BNC2: variants seen among roughly 807,000 people sequenced by gnomAD.
BNC2 encodes zinc finger protein basonuclin-2.
In BNC2, 20 loss-of-function variants were observed where a neutral mutation model predicts 76.3. The ratio of observed to expected loss-of-function variants is 0.26; its 90% CI spans 0.18 to 0.38. BNC2 has a LOEUF of 0.38. BNC2 is among the 10% of genes least tolerant of loss of function. BNC2 has a pLI of 1.00. For missense variants in BNC2, 1,382 were observed against 1,399.8 expected (o/e 0.99, Z 0.20); for synonymous variants, 582 against 514.8 (o/e 1.13, Z -1.77).
At chr9:16,475,277 G>C (rs1296353575) in intron 5 of BNC2, among the ~76,000 whole-genome samples, 2 of 151,986 alleles carry the variant, frequency 1.3e-5, no homozygotes, top group Non-Finnish European at 2.9e-5. Flanking sequence ...GTGTTCACCT[G>C]TACACATTAT....
chr9:16,693,271 TG>T (rs1427462455), intron 3 of BNC2, among the ~76,000 whole-genome samples: 8 of 152,126 alleles, frequency 5.3e-5, no homozygotes, highest in African/African-American at 1.7e-4. Context: ...GCTAGCAGCC[TG>T]GCCTATAAAT....
chr9:16,780,059 A>G (rs1826085721), intron 1 of BNC2, among the ~76,000 whole-genome samples: 1 of 149,582 alleles, frequency 6.7e-6, no homozygotes, highest in South Asian at 2.1e-4. Flanking sequence ...ACATGGTGAA[A>G]CCCCATCTCT....
At chr9:16,425,447 A>G (rs1263998690) in intron 6 of BNC2, among the ~76,000 whole-genome samples, 3 of 152,186 alleles carry the variant, frequency 2.0e-5, no homozygotes, top group African/African-American at 7.2e-5. Flanking sequence ...GGCAGACAAA[A>G]TTGACAGTCT....
chr9:16,733,128 A>C (rs1824562942), intron 2 of BNC2, among the ~76,000 whole-genome samples: 1 of 152,220 alleles, frequency 6.6e-6, no homozygotes, highest in Non-Finnish European at 1.5e-5. Flanking sequence ...TGGGGGAACC[A>C]ACTAAGGAAA....
intron 1 of BNC2, among the ~76,000 whole-genome samples, chr9:16,863,168 C>G (rs1328221940): frequency 6.6e-6 from 1 of 152,100 alleles, no homozygotes; most frequent in Non-Finnish European, 1.5e-5. Flanking sequence ...CCACCTGAGC[C>G]TCCCAAAGTG....
At chr9:16,440,316 C>T (rs1012599452) in intron 5 of BNC2, among the ~76,000 whole-genome samples, 1 of 152,130 alleles carries the variant, frequency 6.6e-6, no homozygotes, top group East Asian at 1.9e-4. Context: ...CAGGTAAGCC[C>T]ATTGAGTCTG....
intron 3 of BNC2, among the ~76,000 whole-genome samples, chr9:16,672,839 G>T (rs1019605331): frequency 6.6e-6 from 1 of 152,138 alleles, no homozygotes; most frequent in Admixed American, 6.5e-5. Flanking sequence ...CTAAGAGCAA[G>T]GTAAATAAAA....
At chr9:16,484,945 C>T (rs558872138) in intron 5 of BNC2, among the ~76,000 whole-genome samples, 1 of 152,186 alleles carries the variant, frequency 6.6e-6, no homozygotes, top group African/African-American at 2.4e-5. Context: ...AACCTGGTAT[C>T]AGGGAGCTTG....
intron 3 of BNC2, among the ~76,000 whole-genome samples, chr9:16,682,788 A>T (rs2134315413): frequency 6.6e-6 from 1 of 152,360 alleles, no homozygotes; most frequent in African/African-American, 2.4e-5. Flanking sequence ...TCACATCCTG[A>T]ATTCCCAACC....
chr9:16,501,076 T>C (rs994617990), intron 5 of BNC2, among the ~76,000 whole-genome samples: 1 of 152,108 alleles, frequency 6.6e-6, no homozygotes, highest in Non-Finnish European at 1.5e-5. Context: ...ATCTGCGTCT[T>C]AGTTTTCCTC....
chr9:16,816,790 A>G (rs1329842868), intron 1 of BNC2, among the ~76,000 whole-genome samples: 1 of 152,202 alleles, frequency 6.6e-6, no homozygotes, highest in African/African-American at 2.4e-5. Flanking sequence ...GTAGTCTTAC[A>G]TGTGCGGTCT....
chr9:16,485,583 G>A (rs1047462199), intron 5 of BNC2, among the ~76,000 whole-genome samples: 1 of 152,162 alleles, frequency 6.6e-6, no homozygotes, highest in African/African-American at 2.4e-5. Flanking sequence ...ATTTCATGTG[G>A]CTAGGGCTTA....
chr9:16,629,353 T>A (rs887203730), intron 3 of BNC2, among the ~76,000 whole-genome samples: 1 of 152,224 alleles, frequency 6.6e-6, no homozygotes. Flanking sequence ...GCCAGAAGAC[T>A]CACTACATTC....
chr9:16,608,563 T>A (rs984337459), intron 3 of BNC2, among the ~76,000 whole-genome samples: 1 of 152,190 alleles, frequency 6.6e-6, no homozygotes, highest in African/African-American at 2.4e-5. Flanking sequence ...CTGGACTCAG[T>A]GGCAAGATCA....
chr9:16,489,950 T>C (rs1490936928), intron 5 of BNC2, among the ~76,000 whole-genome samples: 1 of 152,214 alleles, frequency 6.6e-6, no homozygotes, highest in Non-Finnish European at 1.5e-5. Context: ...AGTTCCTTAC[T>C]TCTTACTTAA....
intron 5 of BNC2, among the ~76,000 whole-genome samples, chr9:16,532,573 G>C (rs1818015837): frequency 1.3e-5 from 2 of 152,088 alleles, no homozygotes; most frequent in East Asian, 1.9e-4. Flanking sequence ...TAAACATTCG[G>C]AAATTTTGGG....
intron 1 of BNC2, among the ~76,000 whole-genome samples, chr9:16,740,394 T>C (rs1352174620): frequency 6.6e-6 from 1 of 152,198 alleles, no homozygotes. Flanking sequence ...TCAGATGTGT[T>C]TGTACATTAT....
chr9:16,650,157 G>T (rs995635458), intron 3 of BNC2, among the ~76,000 whole-genome samples: 2 of 152,184 alleles, frequency 1.3e-5, no homozygotes, highest in Non-Finnish European at 2.9e-5. Context: ...AAGGCATAAT[G>T]TCATTCACAA....
At chr9:16,732,666 T>C (rs1824550492) in intron 2 of BNC2, among the ~76,000 whole-genome samples, 1 of 152,200 alleles carries the variant, frequency 6.6e-6, no homozygotes. Context: ...CTTCTTTTAT[T>C]CACTATTCAT....
Sources: gnomAD v4.1 joint callset for allele counts (sites outside exome capture counted in the v4.1 genomes callset) on GRCh38, gnomAD v4.1.1 for gene constraint, MANE v1.5 for transcripts, NCBI Gene and HGNC (gene_info 2026-07-23, HGNC 2026-07-21) for gene names.